PCDHGA7: variants seen among roughly 807,000 people sequenced by gnomAD.
PCDHGA7 encodes protocadherin gamma-A7.
In PCDHGA7, 44 loss-of-function variants were observed where a neutral mutation model predicts 58.3. That is an observed-to-expected ratio of 0.75 (90% CI 0.59 to 0.97). The LOEUF is 0.97. PCDHGA7 is among the 50% of genes least tolerant of loss of function. The probability of loss-of-function intolerance (pLI) is 0.00; values close to 1 mark genes in which losing one functional copy is unlikely to be tolerated. For missense variants in PCDHGA7, 1,266 were observed against 1,188.7 expected, an observed-to-expected ratio of 1.06 and a Z score of -0.96; for synonymous variants, 516 against 504.2, an observed-to-expected ratio of 1.02 and a Z score of -0.31.
intron 1 of PCDHGA7, chr5:141,421,344 G>A: frequency 6.2e-7 from 1 of 1,613,976 alleles, no homozygotes; most frequent in Non-Finnish European, 8.5e-7. Context: ...TGCCAGAAGA[G>A]ACCGAAAAGG....
chr5:141,464,622 CT>C (rs947370342), intron 1 of PCDHGA7, among the ~76,000 whole-genome samples: 8 of 152,058 alleles, frequency 5.3e-5, no homozygotes, highest in African/African-American at 1.9e-4. Flanking sequence ...TATTGTCAAG[CT>C]TTTTAATTGT....
Position 141,491,507 on chromosome 5 carries a change from C to G in PCDHGA7, c.2425-3300C>G, listed in dbSNP as rs755899622. The stretch of plus-strand genomic sequence containing the variant: ...AACCTGCAGGTGAGCTCGGACGGCA[C>G]GCTCAAGTACATGGAGGTGACGCTG... On this transcript the variant is annotated intron_variant, in intron 1 of 3. Coordinates refer to ENST00000518325, the MANE Select transcript of PCDHGA7 (RefSeq NM_018920.4). This position sits in a 1 kb window ranked among gnomAD's most constrained non-coding sequence, Gnocchi z 6.9. 1.5e-5 allele frequency: 24 copies of G among 1,614,038 alleles called. No individual in the cohort carries two copies. The highest frequency in any genetic ancestry group is 2.0e-5 in the Non-Finnish European group (24 of 1,180,016).
intron 1 of PCDHGA7, chr5:141,389,539 A>G (rs762558713): frequency 6.2e-7 from 1 of 1,613,218 alleles, no homozygotes; most frequent in Non-Finnish European, 8.5e-7. Context: ...TTAGTGGACG[A>G]CCGCAACGAC....
intron 2 of PCDHGA7, among the ~76,000 whole-genome samples, chr5:141,497,175 A>T (rs2154592067): frequency 6.7e-6 from 1 of 150,262 alleles, no homozygotes; most frequent in East Asian, 1.9e-4. Context: ...AAATCACAGT[A>T]AGTTCTGAGA....
intron 1 of PCDHGA7, chr5:141,389,594 T>G (rs1458391866): frequency 1.2e-5 from 19 of 1,613,068 alleles, no homozygotes; most frequent in Non-Finnish European, 1.5e-5. Flanking sequence ...CCGACGGCTC[T>G]GCGCTCTTCG....
intron 1 of PCDHGA7, chr5:141,391,513 C>T (rs1485140932): frequency 6.6e-6 from 1 of 152,096 alleles, no homozygotes; most frequent in Non-Finnish European, 1.5e-5. Flanking sequence ...TATTTTCTTT[C>T]ACTAATTTAA....
At chr5:141,430,404 A>T (rs1054341813) in intron 1 of PCDHGA7, among the ~76,000 whole-genome samples, 2 of 152,000 alleles carry the variant, frequency 1.3e-5, no homozygotes, top group African/African-American at 4.8e-5. Flanking sequence ...AAAGCTCACT[A>T]AAGTTTCTAT....
At chr5:141,465,032 A>C (rs2154568703) in intron 1 of PCDHGA7, among the ~76,000 whole-genome samples, 1 of 151,870 alleles carries the variant, frequency 6.6e-6, no homozygotes, top group Admixed American at 6.6e-5. Context: ...ATGAACCACC[A>C]CAAATGACCC....
At chr5:141,405,649 T>C (rs954605890) in intron 1 of PCDHGA7, 14 of 527,576 alleles carry the variant, frequency 2.7e-5, no homozygotes, top group Non-Finnish European at 6.7e-6. Flanking sequence ...TAATTTTTTG[T>C]GTGTTTTTAG....
rs551414580 is a variant in PCDHGA7, at chr5:141,493,693, C to T, written c.2425-1114C>T. ...GCCCCAGAATGGTGCTGGTGACTCC[C>T]GATACACCTGGAATGCTAGGTTTCT... On this transcript the variant is annotated intron_variant, in intron 1 of 3. Coordinates refer to ENST00000518325, the MANE Select transcript of PCDHGA7 (RefSeq NM_018920.4). This position sits in a 1 kb window ranked among gnomAD's most constrained non-coding sequence, Gnocchi z 4.3. 5.3e-5 allele frequency among the ~76,000 whole-genome samples: 8 copies of T among 152,168 alleles called. No individual in the cohort carries two copies. Among genetic ancestry groups the T allele is most frequent in the Non-Finnish European group, 1.0e-4 (7 of 68,032 alleles).
Position 141,487,904 on chromosome 5 carries a change from G to A in PCDHGA7, c.2425-6903G>A, listed in dbSNP as rs1229814755. On this transcript the variant is annotated intron_variant, in intron 1 of 3. Coordinates refer to ENST00000518325, the MANE Select transcript of PCDHGA7 (RefSeq NM_018920.4). The surrounding 1 kb of genome is among the most constrained non-coding windows in gnomAD (Gnocchi z 5.0). ...TGTGGAAGCATGATGATGGAATGTG[G>A]GAGCACAGGAGGCTACAGTGCACAG... 8.8e-6 allele frequency: 6 copies of A among 685,686 alleles called. No individual in the cohort carries two copies. The highest frequency in any genetic ancestry group is 1.5e-5 in the Non-Finnish European group (6 of 410,118). 42.5% of individuals were successfully genotyped at this position (685,686 alleles called of 1,614,324 possible). A position where few individuals can be genotyped will look rare whatever the true frequency, so the allele number is the denominator to read the frequency against.
chr5:141,401,922 A>C (rs899426870), intron 1 of PCDHGA7, among the ~76,000 whole-genome samples: 10 of 152,194 alleles, frequency 6.6e-5, no homozygotes, highest in Non-Finnish European at 1.3e-4. Flanking sequence ...AGTTTAAGTG[A>C]TGCTTAGAAT....
At chr5:141,409,423 T>C in intron 1 of PCDHGA7, 1 of 1,614,026 alleles carries the variant, frequency 6.2e-7, no homozygotes. Flanking sequence ...TGGTGACAGA[T>C]GGAGCCCTGG....
chr5:141,490,941 A>G lies in PCDHGA7; in HGVS notation c.2425-3866A>G. The G allele has an allele frequency of 6.2e-7, 1 of 1,613,628 alleles. No homozygotes were observed. The highest frequency in any genetic ancestry group is 8.5e-7 in the Non-Finnish European group (1 of 1,179,772). On this transcript the variant is annotated intron_variant, in intron 1 of 3. Coordinates refer to ENST00000518325, the MANE Select transcript of PCDHGA7 (RefSeq NM_018920.4). The surrounding 1 kb of genome is among the most constrained non-coding windows in gnomAD (Gnocchi z 5.4). ...ATAATGCCCCAGCTGTGCTGCACCC[A>G]CGGCCAGACTGGGAACACTCAGCCC... is the stretch of plus-strand genomic sequence containing the variant.
chr5:141,415,121 C>T (rs2095831464), intron 1 of PCDHGA7: 1 of 1,613,522 alleles, frequency 6.2e-7, no homozygotes, highest in South Asian at 1.1e-5. Context: ...CTCGTAGTGG[C>T]CGTCCAGGAC....
Position 141,476,441 on chromosome 5 carries a change from GAGTTGGT to G in PCDHGA7, c.2425-18362_2425-18356del. 3 of 1,614,160 alleles carry G rather than the reference GAGTTGGT, an allele frequency of 1.9e-6. No homozygotes were observed. The South Asian group carries it at 3.3e-5, about 18-fold the overall frequency. ...ACTGCCCTCTTGCACTGTAACTCTG[GAGTTGGT>G]AGTGGAGAACCCGCTGGAGCTGTTC... On this transcript the variant is annotated intron_variant, in intron 1 of 3. Transcript: ENST00000518325. The surrounding 1 kb of genome is among the most constrained non-coding windows in gnomAD (Gnocchi z 7.6).
At chr5:141,421,548 G>C in intron 1 of PCDHGA7, 1 of 1,613,984 alleles carries the variant, frequency 6.2e-7, no homozygotes, top group Non-Finnish European at 8.5e-7. Flanking sequence ...TTTTAAATAT[G>C]GAACTTCTCG....
chr5:141,428,145 A>G (rs748256830), intron 1 of PCDHGA7: 10 of 1,592,574 alleles, frequency 6.3e-6, no homozygotes, highest in African/African-American at 1.3e-5. Context: ...GGGGCTGCAC[A>G]CGGGAACCTG....
intron 1 of PCDHGA7, chr5:141,388,423 TGATA>T: frequency 2.5e-6 from 4 of 1,613,948 alleles, no homozygotes; most frequent in Non-Finnish European, 3.4e-6. Flanking sequence ...CATTTCTCAC[TGATA>T]AATAAAGAGA....
Sources: gnomAD v4.1 joint callset for allele counts (sites outside exome capture counted in the v4.1 genomes callset) on GRCh38, gnomAD v4.1.1 for gene constraint, Gnocchi (gnomAD v3.1) non-coding constraint, MANE v1.5 for transcripts, NCBI Gene and HGNC (gene_info 2026-07-23, HGNC 2026-07-21) for gene names.